PRKCH: variants seen among roughly 807,000 people sequenced by gnomAD.
The protein encoded by PRKCH is protein kinase C eta type.
PRKCH carries 28 observed loss-of-function variants against 82.5 expected under a neutral mutation model. That is an observed-to-expected ratio of 0.34 (90% CI 0.25 to 0.47). The LOEUF (loss-of-function observed/expected upper bound fraction) is 0.47, where lower values mean the gene tolerates loss of function less well. Ranked by LOEUF, PRKCH falls within the 20% of genes least tolerant of loss-of-function variation. The pLI is 1.00. For synonymous variants in PRKCH, 322 were observed against 327.4 expected (o/e 0.98, Z 0.18); for missense variants, 705 against 881.8 (o/e 0.80, Z 2.54).
chr14:61,206,606 C>T (rs1366176477), intron 1 of PRKCH, among the ~76,000 whole-genome samples: 1 of 152,122 alleles, frequency 6.6e-6, no homozygotes, highest in Non-Finnish European at 1.5e-5. Context: ...CTCAGACTTC[C>T]ATGTCTTTCC....
At chr14:61,498,046 A>G (rs1006856175) in intron 10 of PRKCH, among the ~76,000 whole-genome samples, 3 of 151,834 alleles carry the variant, frequency 2.0e-5, no homozygotes, top group Non-Finnish European at 4.4e-5. Context: ...ATGGAGTCTC[A>G]CTCTGTCACC....
chr14:61,229,869 G>A (rs2140058498), intron 1 of PRKCH, among the ~76,000 whole-genome samples: 1 of 152,262 alleles, frequency 6.6e-6, no homozygotes, highest in South Asian at 2.1e-4. Flanking sequence ...AAGCCAGTCA[G>A]AATGCAATGT....
At chr14:61,232,046 C>A (rs1487025835) in intron 1 of PRKCH, among the ~76,000 whole-genome samples, 1 of 152,152 alleles carries the variant, frequency 6.6e-6, no homozygotes, top group Admixed American at 6.5e-5. Context: ...AAGACAGCCA[C>A]CTCCCCAACT....
At chr14:61,499,130 C>T (rs1489982535) in intron 10 of PRKCH, among the ~76,000 whole-genome samples, 1 of 152,156 alleles carries the variant, frequency 6.6e-6, no homozygotes, top group Non-Finnish European at 1.5e-5. Context: ...CCAAATCCTT[C>T]TCCTAGATCC....
At chr14:61,257,935 A>G (rs1286664575) in intron 1 of PRKCH, among the ~76,000 whole-genome samples, 1 of 152,030 alleles carries the variant, frequency 6.6e-6, no homozygotes, top group Non-Finnish European at 1.5e-5. Context: ...AAAGAGATTG[A>G]GTTCCACTCT....
chr14:61,217,416 A>G (rs971403551), intron 1 of PRKCH, among the ~76,000 whole-genome samples: 2 of 152,154 alleles, frequency 1.3e-5, no homozygotes, highest in African/African-American at 4.8e-5. Flanking sequence ...TGTCTCAAAA[A>G]CTAAATAAAT....
intron 1 of PRKCH, among the ~76,000 whole-genome samples, chr14:61,208,023 A>G (rs570104229): frequency 2.6e-5 from 4 of 152,366 alleles, no homozygotes; most frequent in African/African-American, 7.2e-5. Context: ...GGTTTACATT[A>G]GAAGCACAGA....
intron 9 of PRKCH, among the ~76,000 whole-genome samples, chr14:61,459,011 T>C (rs1316099470): frequency 6.6e-6 from 1 of 152,138 alleles, no homozygotes; most frequent in African/African-American, 2.4e-5. Context: ...TGGCAGACCA[T>C]GATTGGTTCA....
Position 61,312,334 on chromosome 14 carries a change from G to A in PRKCH, c.-19+124666G>A, listed in dbSNP as rs1289747312. ...GTATTTTTAATAGAGATGGAGTTTC[G>A]CCATGTTGGCCAGGCTGGCCAACAT... On this transcript the variant is annotated intron_variant, in intron 1 of 3. Coordinates refer to the PRKCH transcript ENST00000555185. Among the ~76,000 whole-genome samples the A allele has an allele frequency of 5.3e-5, 8 of 152,208 alleles. No homozygotes were observed. The South Asian group carries it at 6.2e-4, about 12-fold the overall frequency.
At chr14:61,250,490 C>T (rs773265398) in intron 1 of PRKCH, among the ~76,000 whole-genome samples, 9 of 152,082 alleles carry the variant, frequency 5.9e-5, no homozygotes, top group Non-Finnish European at 1.2e-4. Context: ...CCAATCTGAA[C>T]AGGCTACATG....
intron 1 of PRKCH, among the ~76,000 whole-genome samples, chr14:61,226,754 G>A (rs944609231): frequency 5.3e-5 from 8 of 152,142 alleles, no homozygotes; most frequent in Admixed American, 5.2e-4. Flanking sequence ...CCTAACAAAG[G>A]CCTAAATATT....
At chr14:61,203,744 G>A (rs35887435) in intron 1 of PRKCH, among the ~76,000 whole-genome samples, 37,160 of 151,994 alleles carry the variant, frequency 0.24, 5,032 homozygotes, top group Admixed American at 0.37. Context: ...GGAAGGCTGA[G>A]GCGGGAGAAT....
chr14:61,493,902 C>A (rs949274655), intron 10 of PRKCH, among the ~76,000 whole-genome samples: 2 of 151,586 alleles, frequency 1.3e-5, no homozygotes, highest in East Asian at 3.9e-4. Context: ...GCTGATAGGA[C>A]TTAGTATTTG....
At chr14:61,402,481 G>C (rs1022954557) in intron 2 of PRKCH, among the ~76,000 whole-genome samples, 1 of 152,218 alleles carries the variant, frequency 6.6e-6, no homozygotes, top group Non-Finnish European at 1.5e-5. Flanking sequence ...ACAGTGGCTT[G>C]AATACAGAAG....
At chr14:61,247,046 C>T (rs2044891013) in intron 1 of PRKCH, among the ~76,000 whole-genome samples, 1 of 152,190 alleles carries the variant, frequency 6.6e-6, no homozygotes, top group South Asian at 2.1e-4. Flanking sequence ...TCTTCTTCAA[C>T]AGAGAATTGC....
chr14:61,338,201 G>A (rs79943658), intron 1 of PRKCH, among the ~76,000 whole-genome samples: 4,540 of 152,208 alleles, frequency 0.03, 129 homozygotes, highest in Non-Finnish European at 0.043. Flanking sequence ...CCACCACTTA[G>A]TAAAGTACCC....
intron 1 of PRKCH, among the ~76,000 whole-genome samples, chr14:61,323,569 G>A (rs2045658703): frequency 6.6e-6 from 1 of 152,080 alleles, no homozygotes; most frequent in Non-Finnish European, 1.5e-5. Flanking sequence ...GGTGATGAAG[G>A]CTCATTTAGG....
chr14:61,475,731 G>C (rs556506238), intron 9 of PRKCH, among the ~76,000 whole-genome samples: 10 of 152,304 alleles, frequency 6.6e-5, no homozygotes, highest in African/African-American at 2.4e-4. Flanking sequence ...AAAGAGAAGT[G>C]TATGTTTTTT....
At chr14:61,366,606 A>G (rs948509198) in intron 1 of PRKCH, among the ~76,000 whole-genome samples, 2 of 152,100 alleles carry the variant, frequency 1.3e-5, no homozygotes, top group Non-Finnish European at 2.9e-5. Flanking sequence ...TTTCCTGTGT[A>G]TAAGGAAATG....
Sources: gnomAD v4.1 joint callset for allele counts (sites outside exome capture counted in the v4.1 genomes callset) on GRCh38, gnomAD v4.1.1 for gene constraint, MANE v1.5 for transcripts, NCBI Gene and HGNC (gene_info 2026-07-23, HGNC 2026-07-21) for gene names.